Variants in SKOR1 observed in about 807,000 individuals in gnomAD.
SKOR1 encodes LBX1 corepressor 1.
SKOR1 carries 38 observed loss-of-function variants against 72.4 expected under a neutral mutation model. The observed-to-expected ratio is 0.52, with a 90% CI of 0.40 to 0.69. The LOEUF is 0.69. SKOR1 is among the 30% of genes least tolerant of loss of function. The probability of loss-of-function intolerance (pLI) is 0.00; values close to 1 mark genes in which losing one functional copy is unlikely to be tolerated. For missense variants in SKOR1, 1,320 were observed against 1,343.2 expected (o/e 0.98, Z 0.27); for synonymous variants, 642 against 599.4 (o/e 1.07, Z -1.04).
In SKOR1 at chr15:67,827,777, C is replaced by T; in HGVS notation, c.1949C>T (p.Ser650Leu). ...GGCAGCTCCAGCTACAATTCCGCCT[C>T]GCCCGACGTGGACACCGCGGACGAG... ...SEGSSSYNSA[S>L]PDVDTADEPE... The change falls in exon 2 of 9, where the codon TCG (serine) becomes TTG (leucine). Residue 650 changes from serine (S) to leucine (L), a missense_variant. Physicochemically the swap from Ser to Leu is moderately radical, Grantham distance 145 (BLOSUM62 -2). Coordinates refer to ENST00000380035, the MANE Select transcript of SKOR1 (RefSeq NM_001365915.1). 1.3e-6 allele frequency: 2 copies of T among 1,560,936 alleles called. No individual in the cohort carries two copies. Among genetic ancestry groups the T allele is most frequent in the Non-Finnish European group, 1.7e-6 (2 of 1,152,456 alleles).
At position 67,833,285 on chromosome 15, in the gene SKOR1, AG is replaced by A; in HGVS notation, c.2803+32del. ...GCGGAAGCCGGGAAACAAAGATAGG[AG>A]GGGTGCTGGGTGCCGGCCGTGCTGT... On this transcript the variant is annotated intron_variant, in intron 8 of 8. Transcript: ENST00000380035. This position sits in a 1 kb window ranked among gnomAD's most constrained non-coding sequence, Gnocchi z 6.0. 5.6e-6 allele frequency: 9 copies of A among 1,613,038 alleles called. No individual in the cohort carries two copies. The highest frequency in any genetic ancestry group is 7.6e-6 in the Non-Finnish European group (9 of 1,179,244).
rs371348007 is a variant in SKOR1 at position 67,832,575 on chromosome 15, C to G, written c.2663-32C>G. ...AGTGGAGCCGGGAGAGGGGGCTGTG[C>G]GTAACAGCTCTCACTTAATCAATTT... On this transcript the variant is annotated intron_variant, in intron 6 of 8. Coordinates refer to ENST00000380035, the MANE Select transcript of SKOR1 (RefSeq NM_001365915.1). This position sits in a 1 kb window ranked among gnomAD's most constrained non-coding sequence, Gnocchi z 4.5. 4.4e-6 allele frequency: 7 copies of G among 1,591,114 alleles called. No individual in the cohort carries two copies. The highest frequency in any genetic ancestry group is 6.0e-6 in the Non-Finnish European group (7 of 1,160,436).
chr15:67,830,019 T>G (rs1049786783), intron 3 of SKOR1, among the ~76,000 whole-genome samples, 172 bp from the exon 4 acceptor site: 6 of 151,338 alleles, frequency 4.0e-5, no homozygotes, highest in East Asian at 1.9e-4. Flanking sequence ...GGCGCGGGGG[T>G]GGGGGGTGCC....
chr15:67,827,854 G>T lies in SKOR1; in HGVS notation c.2026G>T (p.Glu676Ter). Residue 676 changes from glutamate to a stop codon, truncating the protein, a stop_gained, in exon 2 of 9, where the codon GAG (glutamate) becomes TAG (stop). Coordinates refer to ENST00000380035, the MANE Select transcript of SKOR1 (RefSeq NM_001365915.1). LOFTEE classifies it high-confidence loss of function. ...NRFPDDEDAQEETEPSAPSAG... is the reference protein window; with the variant it reads ...NRFPDDEDAQ ...CTTCCCCGACGACGAGGACGCCCAA[G>T]AGGAGACCGAGCCCAGCGCACCCAG... 6.2e-7 allele frequency: 1 copy of T among 1,600,240 alleles called. No individual in the cohort carries two copies. The highest frequency in any genetic ancestry group is 8.5e-7 in the Non-Finnish European group (1 of 1,174,320).
intron 5 of SKOR1, 100 bp downstream of exon 5, chr15:67,830,989 A>G (rs1048546886): frequency 1.2e-5 from 15 of 1,238,960 alleles, no homozygotes; most frequent in Non-Finnish European, 1.7e-5. Context: ...TGTGGAAAAG[A>G]CACTCACCAA....
chr15:67,830,871 A>G lies in SKOR1; in HGVS notation c.2569A>G (p.Ile857Val), dbSNP rs1271459555. ...VTGTHLVEKD[I>V]ENLAREELQK... ...AGGAACTCATTTGGTGGAGAAAGATATCGAGAACCTGGCCAGAGGTGAGGA... is the reference window on the plus strand; with the variant it reads ...AGGAACTCATTTGGTGGAGAAAGATGTCGAGAACCTGGCCAGAGGTGAGGA... Residue 857 changes from isoleucine (I) to valine (V), a missense_variant, in exon 5 of 9, where the codon ATC becomes GTC. This residue lies in a region of SKOR1 where 1,099 missense variants were observed against 1,025.5 expected (regional missense o/e 1.07). Coordinates refer to ENST00000380035, the MANE Select transcript of SKOR1 (RefSeq NM_001365915.1). 1.2e-6 allele frequency: 2 copies of G among 1,614,154 alleles called. No homozygotes were observed. Among genetic ancestry groups the G allele is most frequent in the South Asian group, 1.1e-5 (1 of 91,084 alleles).
chr15:67,829,325 C>CG (rs1244640732), intron 3 of SKOR1, 56 bp downstream of exon 3: 1 of 1,430,248 alleles, frequency 7.0e-7, no homozygotes. Context: ...GACAGAGGGC[C>CG]GGGGTCAAGG....
At position 67,826,582 on chromosome 15, in the gene SKOR1, A is replaced by G; in HGVS notation, c.754A>G (p.Ser252Gly). The G allele has an allele frequency of 6.2e-7, 1 of 1,614,026 alleles. No individual in the cohort carries two copies. Among genetic ancestry groups the G allele is most frequent in the Non-Finnish European group, 8.5e-7 (1 of 1,179,984 alleles). The change falls in exon 2 of 9, where the codon AGT (serine) becomes GGT (glycine). Residue 252 changes from serine to glycine, a missense_variant. Around this residue, in one of 3 missense-constraint regions of SKOR1, gnomAD observed 1,099 missense variants for 1,025.5 expected, o/e 1.07. Coordinates refer to ENST00000380035, the MANE Select transcript of SKOR1 (RefSeq NM_001365915.1). ...CTCCTGGCGTCGTCACCTCAAACTC[A>G]GTGACAAGTCGGCCACAGACGAACT... Reference protein sequence around the residue: ...FNSWRRHLKLSDKSATDELSH... With the variant: ...FNSWRRHLKLGDKSATDELSH...
At chr15:67,829,099 T>G in intron 2 of SKOR1, 80 bp from the exon 3 acceptor site, 1 of 1,330,958 alleles carries the variant, frequency 7.5e-7, no homozygotes, top group East Asian at 2.6e-5. Context: ...CTTTCCCTCT[T>G]GGCCGCGGGG....
In SKOR1 at chr15:67,827,436, G is replaced by C; in HGVS notation, c.1608G>C (p.Leu536=). The C allele has an allele frequency of 6.6e-7, 1 of 1,524,170 alleles. No individual in the cohort carries two copies. Among genetic ancestry groups the C allele is most frequent in the Non-Finnish European group, 8.8e-7 (1 of 1,142,546 alleles). 94.4% of individuals were successfully genotyped at this position (1,524,170 alleles called of 1,614,324 possible). A position where few individuals can be genotyped will look rare whatever the true frequency, so the allele number is the denominator to read the frequency against. ...CTGGCAGCGGTGCCCCAGAGCCCCTGGACGGTGCCGAGCCAGCCAAAGAGA... is the reference window on the plus strand; with the variant it reads ...CTGGCAGCGGTGCCCCAGAGCCCCTCGACGGTGCCGAGCCAGCCAAAGAGA... The part of the protein sequence containing the change: ...AAAGSGAPEP[L]DGAEPAKESG... Residue 536 remains leucine (L), a synonymous_variant, in exon 2 of 9, where the codon CTG becomes CTC. Coordinates refer to ENST00000380035, the MANE Select transcript of SKOR1 (RefSeq NM_001365915.1).
At position 67,832,772 on chromosome 15, in the gene SKOR1, A is replaced by C. The variant is rs2091018801; in HGVS notation, c.2737+91A>C. 3 of 1,008,430 alleles carry C rather than the reference A, an allele frequency of 3.0e-6. No homozygotes were observed. The Admixed American group carries it at 5.9e-5, about 20-fold the overall frequency. 62.5% of individuals were successfully genotyped at this position (1,008,430 alleles called of 1,614,324 possible). A position where few individuals can be genotyped will look rare whatever the true frequency, so the allele number is the denominator to read the frequency against. ...ATGTTGGCTCAGTCATTTGGATTTA[A>C]ATTGAAGGTAATTTAACAATTATTT... On this transcript the variant is annotated intron_variant, in intron 7 of 8. Transcript: ENST00000380035. This position sits in a 1 kb window ranked among gnomAD's most constrained non-coding sequence, Gnocchi z 4.5.
Position 67,827,319 on chromosome 15 carries a change from C to T in SKOR1, c.1491C>T (p.Ser497=). The T allele has an allele frequency of 1.3e-6, 2 of 1,590,680 alleles. No homozygotes were observed. Among genetic ancestry groups the T allele is most frequent in the Non-Finnish European group, 1.7e-6 (2 of 1,176,194 alleles). ...TFPMFWPAAG[S]LPVPSYPAAQ... Reference sequence around the variant, plus strand: ...CCATGTTCTGGCCAGCAGCAGGCAGCCTCCCGGTACCGTCCTACCCCGCTG... The same window carrying T: ...CCATGTTCTGGCCAGCAGCAGGCAGTCTCCCGGTACCGTCCTACCCCGCTG... Residue 497 remains serine (S), a synonymous_variant, in exon 2 of 9, where the codon AGC becomes AGT. Transcript: ENST00000380035.
Position 67,828,135 on chromosome 15 carries a change from G to T in SKOR1, c.2307G>T (p.Ala769=). The change falls in exon 2 of 9, where the codon GCG becomes GCT. Residue 769 remains alanine, a synonymous_variant. Coordinates refer to ENST00000380035, the MANE Select transcript of SKOR1 (RefSeq NM_001365915.1). ...CTTGCGGGCCCCTAGGAGGCCCCGC[G>T]CCGGCCAAGGTGAGCCCCGCGCCCG... ...REPCGPLGGP[A]PAKVFAPERD... The T allele has an allele frequency of 6.7e-7, 1 of 1,481,828 alleles. No individual in the cohort carries two copies. Among genetic ancestry groups the T allele is most frequent in the Non-Finnish European group, 8.9e-7 (1 of 1,125,276 alleles). 91.8% of individuals were successfully genotyped at this position (1,481,828 alleles called of 1,614,324 possible). A position where few individuals can be genotyped will look rare whatever the true frequency, so the allele number is the denominator to read the frequency against.
chr15:67,826,971 C>G lies in SKOR1; in HGVS notation c.1143C>G (p.Gly381=), dbSNP rs1418328694. Reference sequence around the variant, plus strand: ...CGGTGATCCCGGTGCCCAGCAAAGGCTTTGGGCTCCTGCAAAAGCTGCCCC... The same window carrying G: ...CGGTGATCCCGGTGCCCAGCAAAGGGTTTGGGCTCCTGCAAAAGCTGCCCC... The part of the protein sequence containing the change: ...SYPVIPVPSK[G]FGLLQKLPPP... The change falls in exon 2 of 9, where the codon GGC becomes GGG. Residue 381 remains glycine (G), a synonymous_variant. Coordinates refer to ENST00000380035, the MANE Select transcript of SKOR1 (RefSeq NM_001365915.1). 1.3e-6 allele frequency: 2 copies of G among 1,596,194 alleles called. No homozygotes were observed. The highest frequency in any genetic ancestry group is 1.7e-5 in the Admixed American group (1 of 59,910).
chr15:67,834,033 TG>T lies in SKOR1; in HGVS notation c.*199del, dbSNP rs375178225. 1.1e-5 allele frequency: 7 copies of T among 635,486 alleles called. No homozygotes were observed. In the African/African-American group the frequency reaches 1.3e-4, roughly 12 times the overall value. The allele number at this position is 635,486 out of a possible 1,614,324, so 39.4% of individuals were successfully genotyped here. ...GGCGTCCCTGTCCAGGGCCCCGGCT[TG>T]GTTTCCAAGTGTAAATACCGCCTCG... On this transcript the variant is annotated 3_prime_UTR_variant, in exon 9 of 9. Coordinates refer to ENST00000380035, the MANE Select transcript of SKOR1 (RefSeq NM_001365915.1). The surrounding 1 kb of genome is among the most constrained non-coding windows in gnomAD (Gnocchi z 5.8).
rs1178820816 is a variant in SKOR1 at position 67,827,419 on chromosome 15, G to A, written c.1591G>A (p.Gly531Ser). 1 of 1,523,724 alleles carries A rather than the reference G, an allele frequency of 6.6e-7. No homozygotes were observed. Among genetic ancestry groups the A allele is most frequent in the Non-Finnish European group, 8.8e-7 (1 of 1,142,596 alleles). 94.4% of individuals were successfully genotyped at this position (1,523,724 alleles called of 1,614,324 possible). Reference protein sequence around the residue: ...AAAAAAAAGSGAPEPLDGAEP... With the variant: ...AAAAAAAAGSSAPEPLDGAEP... ...GGCGGCAGCGGCAGCTGCTGGCAGC[G>A]GTGCCCCAGAGCCCCTGGACGGTGC... The change falls in exon 2 of 9, where the codon GGT becomes AGT. Residue 531 changes from glycine (G) to serine (S), a missense_variant. By Grantham distance (56) the Gly-to-Ser change is moderately conservative. Coordinates refer to ENST00000380035, the MANE Select transcript of SKOR1 (RefSeq NM_001365915.1).
In SKOR1 at chr15:67,834,086, A is replaced by T; in HGVS notation, c.*250A>T. On this transcript the variant is annotated 3_prime_UTR_variant, in exon 9 of 9. Coordinates refer to ENST00000380035, the MANE Select transcript of SKOR1 (RefSeq NM_001365915.1). This position sits in a 1 kb window ranked among gnomAD's most constrained non-coding sequence, Gnocchi z 5.8. The stretch of plus-strand genomic sequence containing the variant: ...GCCTCAAATCCCCCTACCCCGTGTG[A>T]ACTCTAGGGCATCGGACCTCAAGGG... 9 of 553,712 alleles carry T rather than the reference A, an allele frequency of 1.6e-5. No individual in the cohort carries two copies. In the South Asian group the frequency reaches 1.8e-4, roughly 11 times the overall value. The allele number at this position is 553,712 out of a possible 1,614,324, so 34.3% of individuals were successfully genotyped here.
chr15:67,827,507 G>A lies in SKOR1; in HGVS notation c.1679G>A (p.Gly560Glu), dbSNP rs1365409994. ...CGCTGCCCGAGCGCTCTGTCCCGCG[G>A]GCCCCTGGACGAAGACGGCACGGAC... ...EERCPSALSR[G>E]PLDEDGTDEA... is the part of the protein sequence containing the mutation. The change falls in exon 2 of 9, where the codon GGG (glycine) becomes GAG (glutamate). Residue 560 changes from glycine to glutamate, a missense_variant. Transcript: ENST00000380035. 5 of 1,523,266 alleles carry A rather than the reference G, an allele frequency of 3.3e-6. No individual in the cohort carries two copies. Among genetic ancestry groups the A allele is most frequent in the Non-Finnish European group, 4.4e-6 (5 of 1,142,540 alleles). The allele number at this position is 1,523,266 out of a possible 1,614,324, so 94.4% of individuals were successfully genotyped here.
In SKOR1 at chr15:67,832,644, T is replaced by G; in HGVS notation, c.2700T>G (p.Tyr900Ter). 1.2e-6 allele frequency: 2 copies of G among 1,614,042 alleles called. No homozygotes were observed. Among genetic ancestry groups the G allele is most frequent in the Non-Finnish European group, 1.7e-6 (2 of 1,180,004 alleles). Residue 900 changes from tyrosine (Y) to a stop codon, truncating the protein, a stop_gained, in exon 7 of 9, where the codon TAT becomes TAG. Transcript: ENST00000380035. LOFTEE classifies it high-confidence loss of function. This position sits in a 1 kb window ranked among gnomAD's most constrained non-coding sequence, Gnocchi z 4.5. ...FQDQMKRELA[Y>*]REEMVQQLQI... is the part of the protein sequence containing the mutation. The stretch of plus-strand genomic sequence containing the variant: ...ATCAAATGAAGAGGGAATTGGCTTA[T>G]CGAGAAGAAATGGTGCAACAGCTGC...
Sources: allele counts gnomAD v4.1 joint callset (sites outside exome capture counted in the v4.1 genomes callset), GRCh38; gene constraint gnomAD v4.1.1; regional missense constraint gnomAD v4.1.1; non-coding constraint Gnocchi (gnomAD v3.1); transcripts MANE v1.5; gene names NCBI Gene and HGNC (gene_info 2026-07-23, HGNC 2026-07-21).